BCAS1: variants seen among roughly 807,000 people sequenced by gnomAD.
BCAS1 encodes the protein brain enriched myelin associated protein 1.
In BCAS1, 46 loss-of-function variants were observed where a neutral mutation model predicts 65.4. The ratio of observed to expected loss-of-function variants is 0.70; its 90% CI spans 0.55 to 0.90. The LOEUF is 0.90. Ranked by LOEUF, BCAS1 falls within the 40% of genes least tolerant of loss-of-function variation. The probability of loss-of-function intolerance (pLI) is 0.00; values close to 1 mark genes in which losing one functional copy is unlikely to be tolerated. For synonymous variants in BCAS1, 298 were observed against 293.5 expected, an observed-to-expected ratio of 1.02 and a Z score of -0.16; for missense variants, 793 against 771.2, an observed-to-expected ratio of 1.03 and a Z score of -0.33.
intron 1 of BCAS1, among the ~76,000 whole-genome samples, chr20:54,066,222 G>A (rs1043988491): frequency 1.2e-4 from 18 of 152,212 alleles, no homozygotes; most frequent in African/African-American, 2.6e-4. Context: ...ACAGGCGCCT[G>A]CCACCACGCC....
chr20:54,003,038 A>G (rs915778428), intron 4 of BCAS1, among the ~76,000 whole-genome samples: 1 of 152,046 alleles, frequency 6.6e-6, no homozygotes, highest in Non-Finnish European at 1.5e-5. Context: ...TCCCAGCTCC[A>G]CTCACAGGTT....
At chr20:54,002,282 G>A (rs2091075781) in intron 4 of BCAS1, among the ~76,000 whole-genome samples, 1 of 152,142 alleles carries the variant, frequency 6.6e-6, no homozygotes. Context: ...AAGGCAGTAG[G>A]TAGGAGCAGA....
At chr20:53,967,178 A>G (rs977252444) in intron 9 of BCAS1, 105 bp from the exon 10 acceptor site, 32 of 1,171,170 alleles carry the variant, frequency 2.7e-5, no homozygotes, top group Non-Finnish European at 3.8e-5. Flanking sequence ...CATAGTAGCT[A>G]CAGTTTTGAA....
rs1407157204 is a variant in BCAS1 at position 54,035,379 on chromosome 20, C to T, written c.143-6407G>A. On this transcript the variant is annotated intron_variant, in intron 3 of 12. Transcript: ENST00000688948. The stretch of plus-strand genomic sequence containing the variant: ...CCACATCACTGCACTCCAGCCTGGG[C>T]GACAGAGTGAGACTCCGTCTCAAAA... 4.1e-5 allele frequency among the ~76,000 whole-genome samples: 5 copies of T among 122,744 alleles called. 1 individual carries two copies. The highest frequency in any genetic ancestry group is 2.0e-4 in the Admixed American group (2 of 9,896). 80.5% of individuals were successfully genotyped at this position (122,744 alleles called of 152,430 possible).
intron 4 of BCAS1, among the ~76,000 whole-genome samples, chr20:54,027,232 A>G (rs1265107038): frequency 6.6e-6 from 1 of 152,204 alleles, no homozygotes; most frequent in East Asian, 1.9e-4. Context: ...CATGATGACT[A>G]TTATCTTTTC....
intron 1 of BCAS1, among the ~76,000 whole-genome samples, chr20:54,065,771 G>A (rs1030000860): frequency 1.3e-5 from 2 of 152,182 alleles, no homozygotes; most frequent in African/African-American, 4.8e-5. Flanking sequence ...ATATGCATAA[G>A]CCCTGGCTCC....
At chr20:53,945,055 A>G (rs1240815371) in intron 12 of BCAS1, 59 bp from the exon 13 acceptor site, 2 of 1,420,242 alleles carry the variant, frequency 1.4e-6, no homozygotes, top group Middle Eastern at 1.8e-4. Flanking sequence ...CAACAGCAAC[A>G]ATGGCCATTT....
At chr20:54,037,302 C>T (rs2091916313) in intron 3 of BCAS1, among the ~76,000 whole-genome samples, 1 of 151,336 alleles carries the variant, frequency 6.6e-6, no homozygotes, top group African/African-American at 2.4e-5. Flanking sequence ...GGAAGAGCTC[C>T]TTATGAAACC....
At chr20:54,069,350 T>A (rs1291549542) in intron 1 of BCAS1, among the ~76,000 whole-genome samples, 5 of 152,246 alleles carry the variant, frequency 3.3e-5, no homozygotes, top group Admixed American at 2.0e-4. Context: ...ATCTTATCTT[T>A]CTGTAACATG....
chr20:54,027,816 C>T (rs1457375228), intron 4 of BCAS1, among the ~76,000 whole-genome samples: 1 of 151,492 alleles, frequency 6.6e-6, no homozygotes, highest in Non-Finnish European at 1.5e-5. Flanking sequence ...AAAAAAAACC[C>T]AAAACCCCTA....
chr20:54,011,831 T>G (rs2091327704), intron 4 of BCAS1, among the ~76,000 whole-genome samples: 1 of 152,196 alleles, frequency 6.6e-6, no homozygotes, highest in Non-Finnish European at 1.5e-5. Flanking sequence ...TGCACTTGCC[T>G]GGGCAACAGA....
intron 11 of BCAS1, among the ~76,000 whole-genome samples, chr20:53,954,336 G>GAGAGACAGAGAGA (rs1159772238): frequency 1.2e-5 from 1 of 83,912 alleles, no homozygotes; most frequent in Non-Finnish European, 2.6e-5. Context: ...AGAGAGAGAG[G>GAGAGACAGAGAGA]GACCAGGCAT....
intron 9 of BCAS1, among the ~76,000 whole-genome samples, chr20:53,972,589 C>T (rs2090208130): frequency 6.6e-6 from 1 of 152,202 alleles, no homozygotes; most frequent in Non-Finnish European, 1.5e-5. Flanking sequence ...TATTTCTGGA[C>T]ACTGAATTTG....
At chr20:53,966,399 T>A (rs2090027513) in intron 10 of BCAS1, among the ~76,000 whole-genome samples, 1 of 152,154 alleles carries the variant, frequency 6.6e-6, no homozygotes, top group Non-Finnish European at 1.5e-5. Context: ...ATACTGTATG[T>A]TCTCACTCAT....
intron 3 of BCAS1, among the ~76,000 whole-genome samples, chr20:54,039,556 A>C (rs2091955315): frequency 6.6e-6 from 1 of 151,380 alleles, no homozygotes; most frequent in African/African-American, 2.4e-5. Context: ...TCTTCTCTTT[A>C]ATCATATATT....
In BCAS1 at chr20:54,028,813, C is replaced by T. The variant is rs1555875129; in HGVS notation, c.302G>A (p.Arg101Gln). The T allele has an allele frequency of 1.8e-5, 29 of 1,614,014 alleles. No homozygotes were observed. The highest frequency in any genetic ancestry group is 2.2e-5 in the South Asian group (2 of 91,076). The change falls in exon 4 of 13, where the codon CGG becomes CAG. Residue 101 changes from arginine (R) to glutamine (Q), a missense_variant. Coordinates refer to ENST00000688948, the MANE Select transcript of BCAS1 (RefSeq NM_001366298.2). ...AKSRFFLMLSRPVPGRTGDQA... is the reference protein window; with the variant it reads ...AKSRFFLMLSQPVPGRTGDQA... ...GTCTCCGGTACGTCCTGGTACAGGC[C>T]GAGAGAGCATCAAGAAAAAACGAGA...
intron 3 of BCAS1, among the ~76,000 whole-genome samples, chr20:54,037,431 T>C (rs962349452): frequency 6.6e-6 from 1 of 151,396 alleles, no homozygotes; most frequent in East Asian, 1.9e-4. Context: ...GGGGATTAAA[T>C]TCCAGATGAG....
At chr20:53,990,737 G>A (rs1299658166) in intron 7 of BCAS1, among the ~76,000 whole-genome samples, 1 of 152,126 alleles carries the variant, frequency 6.6e-6, no homozygotes. Context: ...CAGGTGCAGA[G>A]GTAAAAGCCA....
intron 3 of BCAS1, among the ~76,000 whole-genome samples, chr20:54,051,128 C>T (rs758902417): frequency 6.6e-6 from 1 of 152,106 alleles, no homozygotes. Context: ...GTGGCACCTC[C>T]GTGGTAATGT....
Sources: gnomAD v4.1 joint callset for allele counts (sites outside exome capture counted in the v4.1 genomes callset) on GRCh38, gnomAD v4.1.1 for gene constraint, MANE v1.5 for transcripts, NCBI Gene and HGNC (gene_info 2026-07-23, HGNC 2026-07-21) for gene names.